The following UNC5D variants were observed in gnomAD, a reference collection of about 807,000 sequenced individuals.
UNC5D encodes the protein unc-5 netrin receptor D, also known as netrin receptor UNC5D.
A neutral mutation model predicts 105.4 loss-of-function variants in UNC5D; 39 were observed. The observed-to-expected ratio is 0.37, with a 90% confidence interval of 0.29 to 0.48. The LOEUF is 0.48. Among genes scored for constraint, UNC5D ranks in the 20% least tolerant of loss-of-function variants. The pLI is 0.98. For missense variants in UNC5D, 991 were observed against 1,202.4 expected (o/e 0.82, Z 2.60); for synonymous variants, 452 against 450.4 (o/e 1.00, Z -0.04).
chr8:35,650,803 G>C (rs1458520846), intron 4 of UNC5D, among the ~76,000 whole-genome samples: 1 of 152,150 alleles, frequency 6.6e-6, no homozygotes, highest in Non-Finnish European at 1.5e-5. Context: ...ACAGTACTGG[G>C]CCAGTACAGA....
chr8:35,688,719 C>T (rs974146943), intron 7 of UNC5D, among the ~76,000 whole-genome samples: 3 of 152,236 alleles, frequency 2.0e-5, no homozygotes, highest in Non-Finnish European at 2.9e-5. Flanking sequence ...CTTCTCACCT[C>T]TCTTGAATAC....
chr8:35,469,485 T>C (rs182814077), intron 1 of UNC5D, among the ~76,000 whole-genome samples: 21 of 152,314 alleles, frequency 1.4e-4, no homozygotes, highest in Admixed American at 1.4e-3. Flanking sequence ...GGACAGCCCA[T>C]ATTGAGTGTC....
At chr8:35,575,879 T>TA (rs932702262) in intron 3 of UNC5D, among the ~76,000 whole-genome samples, 270 of 146,640 alleles carry the variant, frequency 1.8e-3, no homozygotes, top group African/African-American at 3.8e-3. Context: ...TCTAGCCCGG[T>TA]AAAAAAAAAA....
At chr8:35,766,594 A>G (rs781409340) in intron 14 of UNC5D, among the ~76,000 whole-genome samples, 12 of 152,158 alleles carry the variant, frequency 7.9e-5, no homozygotes, top group Non-Finnish European at 1.6e-4. Flanking sequence ...GAAAATGATA[A>G]TTTTTGATGG....
At chr8:35,607,152 C>T (rs573059110) in intron 4 of UNC5D, among the ~76,000 whole-genome samples, 7 of 152,208 alleles carry the variant, frequency 4.6e-5, no homozygotes, top group East Asian at 1.9e-4. Flanking sequence ...TCAGTGGCAG[C>T]GCAGTCCAAT....
At chr8:35,387,750 T>C (rs1172715567) in intron 1 of UNC5D, among the ~76,000 whole-genome samples, 6 of 152,136 alleles carry the variant, frequency 3.9e-5, no homozygotes, top group Admixed American at 1.3e-4. Context: ...TCCATCTCAG[T>C]AGGATTTAGG....
At chr8:35,291,089 T>A (rs903448599) in intron 1 of UNC5D, among the ~76,000 whole-genome samples, 2 of 152,116 alleles carry the variant, frequency 1.3e-5, no homozygotes. Flanking sequence ...GTAAACCAAG[T>A]GGAAACTGAG....
intron 13 of UNC5D, among the ~76,000 whole-genome samples, chr8:35,756,467 T>C (rs1378290799): frequency 1.3e-5 from 2 of 151,776 alleles, no homozygotes; most frequent in Non-Finnish European, 2.9e-5. Context: ...GATTGACTTA[T>C]GTCATCTTAT....
intron 1 of UNC5D, among the ~76,000 whole-genome samples, chr8:35,321,336 A>G (rs1474671114): frequency 6.6e-6 from 1 of 152,154 alleles, no homozygotes. Flanking sequence ...ATACCCATGT[A>G]TCAAGGGAGA....
chr8:35,786,595 C>T (rs768800598), intron 16 of UNC5D, among the ~76,000 whole-genome samples: 12 of 152,094 alleles, frequency 7.9e-5, no homozygotes, highest in South Asian at 2.1e-4. Flanking sequence ...TCTGTTATTG[C>T]GTTTTTATGC....
intron 4 of UNC5D, among the ~76,000 whole-genome samples, chr8:35,597,415 T>C (rs1819557426): frequency 6.6e-6 from 1 of 152,208 alleles, no homozygotes; most frequent in Admixed American, 6.5e-5. Flanking sequence ...ACTGTATCCC[T>C]CTCATTTAGG....
chr8:35,648,010 T>A (rs1433807750), intron 4 of UNC5D, among the ~76,000 whole-genome samples: 3 of 152,120 alleles, frequency 2.0e-5, no homozygotes, highest in Non-Finnish European at 4.4e-5. Context: ...AGAAAATAAT[T>A]GAAGTCAACT....
At chr8:35,556,098 A>G (rs1464624674) in intron 2 of UNC5D, among the ~76,000 whole-genome samples, 2 of 152,130 alleles carry the variant, frequency 1.3e-5, no homozygotes, top group East Asian at 1.9e-4. Flanking sequence ...TTGCATCCAC[A>G]ATCACATAGC....
chr8:35,282,360 C>T (rs1187329210), intron 1 of UNC5D, among the ~76,000 whole-genome samples: 1 of 152,146 alleles, frequency 6.6e-6, no homozygotes, highest in African/African-American at 2.4e-5. Flanking sequence ...AGCCTACATT[C>T]CTCTTGTAAG....
chr8:35,633,565 T>C (rs888784811), intron 4 of UNC5D, among the ~76,000 whole-genome samples: 4 of 151,866 alleles, frequency 2.6e-5, no homozygotes, highest in Non-Finnish European at 4.4e-5. Flanking sequence ...CTGGGCAACA[T>C]AGTGAGACCT....
rs956028837 is a variant in UNC5D, at chr8:35,683,395, A to G, written c.571-152A>G. The G allele has an allele frequency of 6.1e-5, 45 of 733,912 alleles. No homozygotes were observed. The East Asian group carries it at 1.5e-3, about 24-fold the overall frequency. The allele number at this position is 733,912 out of a possible 1,614,324, so 45.5% of individuals were successfully genotyped here. A position where few individuals can be genotyped will look rare whatever the true frequency, so the allele number is the denominator to read the frequency against. Reference sequence around the variant, plus strand: ...AATATAACCAAATTTACCAAATAAAAGGGACAGGATATGGAATAAAGAAAC... The same window carrying G: ...AATATAACCAAATTTACCAAATAAAGGGGACAGGATATGGAATAAAGAAAC... On this transcript the variant is annotated intron_variant, in intron 4 of 16. Transcript: ENST00000404895.
At chr8:35,380,941 A>G (rs1803006929) in intron 1 of UNC5D, among the ~76,000 whole-genome samples, 1 of 150,014 alleles carries the variant, frequency 6.7e-6, no homozygotes, top group African/African-American at 2.4e-5. Flanking sequence ...GGCTCTAAGT[A>G]TTACCTTCTA....
intron 1 of UNC5D, among the ~76,000 whole-genome samples, chr8:35,333,481 A>G (rs1301028092): frequency 6.6e-6 from 1 of 152,082 alleles, no homozygotes; most frequent in African/African-American, 2.4e-5. Context: ...GTTTCTCGGA[A>G]GTAGGAGAAT....
intron 4 of UNC5D, among the ~76,000 whole-genome samples, chr8:35,661,027 G>A (rs1409062097): frequency 6.6e-6 from 1 of 152,020 alleles, no homozygotes; most frequent in Non-Finnish European, 1.5e-5. Context: ...GAGCCCAGGG[G>A]TTCAAGCCTG....
Sources: gnomAD v4.1 joint callset for allele counts (sites outside exome capture counted in the v4.1 genomes callset) on GRCh38, gnomAD v4.1.1 for gene constraint, MANE v1.5 for transcripts, NCBI Gene and HGNC (gene_info 2026-07-23, HGNC 2026-07-21) for gene names.